The following DSE variants were observed in gnomAD, a reference collection of about 807,000 sequenced individuals.
DSE encodes dermatan sulfate epimerase.
DSE carries 36 observed loss-of-function variants against 84.4 expected under a neutral mutation model. The observed-to-expected ratio is 0.43, with a 90% CI of 0.33 to 0.56. The LOEUF (loss-of-function observed/expected upper bound fraction) is 0.56. Ranked by LOEUF, DSE falls within the 20% of genes least tolerant of loss-of-function variation. The pLI is 0.06. For missense variants in DSE, 862 were observed against 1,169.6 expected (o/e 0.74, Z 3.84); for synonymous variants, 410 against 430.1 (o/e 0.95, Z 0.58).
chr6:116,426,060 G>A (rs377147764), intron 2 of DSE, among the ~76,000 whole-genome samples: 1 of 152,328 alleles, frequency 6.6e-6, no homozygotes, highest in Non-Finnish European at 1.5e-5. Context: ...GACCAAGTGG[G>A]TCTGTGCAGA....
In DSE at chr6:116,379,335, CA is replaced by C. The variant is rs755487552; in HGVS notation, c.-54+8218del. 5.3e-4 allele frequency among the ~76,000 whole-genome samples: 81 copies of C among 152,100 alleles called. 2 individuals carry two copies. The highest frequency in any genetic ancestry group is 9.1e-4 in the Non-Finnish European group (62 of 67,998). The stretch of plus-strand genomic sequence containing the variant: ...ATAGACTATAGTTTTAAAGCAATTT[CA>C]AAATACTTTTCAAAATTACCTTTCT... On this transcript the variant is annotated intron_variant, in intron 1 of 5. Transcript: ENST00000644252.
At chr6:116,339,071 G>A (rs1278079845) in intron 2 of DSE, among the ~76,000 whole-genome samples, 2 of 150,774 alleles carry the variant, frequency 1.3e-5, no homozygotes, top group Admixed American at 1.3e-4. Context: ...AGATAAATGA[G>A]TTGGTCTTCT....
chr6:116,421,463 A>ATATATATATATATATTTTTT (rs1357496121), intron 2 of DSE, among the ~76,000 whole-genome samples: 5 of 61,344 alleles, frequency 8.2e-5, no homozygotes, highest in Non-Finnish European at 1.3e-4. Flanking sequence ...ATATATATAT[A>ATATATATATATATATTTTTT]TTTTTTTTTT....
intron 2 of DSE, among the ~76,000 whole-genome samples, chr6:116,289,750 G>A (rs1562206861): frequency 6.6e-6 from 1 of 151,978 alleles, no homozygotes; most frequent in Non-Finnish European, 1.5e-5. Flanking sequence ...TTCATATTAT[G>A]GTATCCAGCT....
At chr6:116,279,302 T>G in intron 2 of DSE, 1 of 1,609,292 alleles carries the variant, frequency 6.2e-7, no homozygotes, top group Non-Finnish European at 8.5e-7. Flanking sequence ...AGGCCTTCCT[T>G]CACCACCTCA....
intron 1 of DSE, among the ~76,000 whole-genome samples, chr6:116,382,297 G>A (rs1161380157): frequency 6.6e-6 from 1 of 152,096 alleles, no homozygotes. Flanking sequence ...CCATAACATG[G>A]CCATGATATG....
intron 2 of DSE, among the ~76,000 whole-genome samples, chr6:116,319,391 T>C (rs1776169855): frequency 6.6e-6 from 1 of 152,210 alleles, no homozygotes; most frequent in East Asian, 1.9e-4. Flanking sequence ...CAAGTGTATA[T>C]AGCCAAGCTA....
intron 5 of DSE, among the ~76,000 whole-genome samples, chr6:116,434,152 T>G (rs766142663): frequency 2.2e-4 from 33 of 151,354 alleles, no homozygotes; most frequent in Non-Finnish European, 4.0e-4. Context: ...GTATAAATTT[T>G]TTTGCCTTAA....
chr6:116,279,859 G>A lies in DSE; in HGVS notation c.-54+20892G>A, dbSNP rs1230924609. The A allele has an allele frequency of 5.0e-6, 8 of 1,612,914 alleles. No individual in the cohort carries two copies. In the East Asian group the frequency reaches 6.7e-5, roughly 13 times the overall value. On this transcript the variant is annotated intron_variant, in intron 2 of 3. Transcript: ENST00000430252. ...GCTAACAGTCGGACCAACCGCAGGC[G>A]AACGCCCGTTTTCCTCAGAGGCCGA... is the stretch of plus-strand genomic sequence containing the variant.
At chr6:116,317,150 G>A (rs949712742) in intron 2 of DSE, among the ~76,000 whole-genome samples, 1 of 152,222 alleles carries the variant, frequency 6.6e-6, no homozygotes, top group Non-Finnish European at 1.5e-5. Context: ...TAGCAAGGCT[G>A]TTGGGGAATC....
rs59237926 is a variant in DSE, at chr6:116,416,349, C to CTGTGTGTGTGTG, written c.417-10189_417-10178dup. Reference sequence around the variant, plus strand: ...ACAGGTTCTAAACAGCTAATTGCCACTGTGTGTGTGTGTGTGTGTGTGTGT... The same window carrying CTGTGTGTGTGTG: ...ACAGGTTCTAAACAGCTAATTGCCACTGTGTGTGTGTGTGTGTGTGTGTGTGTGTGTGTGTGT... On this transcript the variant is annotated intron_variant, in intron 2 of 5. Transcript: ENST00000644252. Among the ~76,000 whole-genome samples, 345 of 134,028 alleles carry CTGTGTGTGTGTG rather than the reference C, an allele frequency of 2.6e-3. 1 individual carries two copies. The highest frequency in any genetic ancestry group is 7.2e-3 in the Middle Eastern group (2 of 278). The allele number at this position is 134,028 out of a possible 152,430, so 87.9% of individuals were successfully genotyped here. A position where few individuals can be genotyped will look rare whatever the true frequency, so the allele number is the denominator to read the frequency against.
intron 2 of DSE, among the ~76,000 whole-genome samples, chr6:116,332,372 G>C (rs1777000524): frequency 7.2e-6 from 1 of 139,584 alleles, no homozygotes; most frequent in Non-Finnish European, 1.5e-5. Flanking sequence ...ATCCCAGTTG[G>C]TTTGTGTGTG....
chr6:116,263,736 A>G (rs1357939167), intron 2 of DSE, among the ~76,000 whole-genome samples: 1 of 152,196 alleles, frequency 6.6e-6, no homozygotes, highest in East Asian at 1.9e-4. Flanking sequence ...TGTAGTGGTC[A>G]GTAATGATCT....
At chr6:116,374,136 A>G (rs1337936995) in intron 1 of DSE, among the ~76,000 whole-genome samples, 2 of 152,116 alleles carry the variant, frequency 1.3e-5, no homozygotes, top group African/African-American at 4.8e-5. Context: ...GGCAAGCTCC[A>G]ACCTGTTGAG....
At chr6:116,324,112 A>G (rs1282752908) in intron 2 of DSE, among the ~76,000 whole-genome samples, 1 of 152,180 alleles carries the variant, frequency 6.6e-6, no homozygotes, top group Non-Finnish European at 1.5e-5. Context: ...CCCTCACCCC[A>G]GGCTCCAAAG....
rs1784250234 is a variant in DSE, at chr6:116,437,346, C to G, written c.*1C>G. 6.3e-7 allele frequency: 1 copy of G among 1,576,860 alleles called. No individual in the cohort carries two copies. Among genetic ancestry groups the G allele is most frequent in the Non-Finnish European group, 8.6e-7 (1 of 1,163,614 alleles). ...TTCTTGTTCCCAATCACAGTGTTAG[C>G]ACTGAAGCTATAAATTACCTGGTCA... On this transcript the variant is annotated 3_prime_UTR_variant, in exon 6 of 6. Coordinates refer to ENST00000644252, the MANE Select transcript of DSE (RefSeq NM_013352.4).
chr6:116,353,448 T>G (rs1778421861), intron 2 of DSE, among the ~76,000 whole-genome samples: 1 of 152,236 alleles, frequency 6.6e-6, no homozygotes, highest in Non-Finnish European at 1.5e-5. Flanking sequence ...AGTGCCTTCT[T>G]AATTTCCAGA....
In DSE at chr6:116,439,530, A is replaced by G. The variant is rs894901375; in HGVS notation, c.*2185A>G. 1 of 152,208 alleles carries G rather than the reference A, an allele frequency of 6.6e-6. No individual in the cohort carries two copies. The highest frequency in any genetic ancestry group is 2.1e-4 in the South Asian group (1 of 4,820). The allele number at this position is 152,208 out of a possible 1,614,324, so 9.4% of individuals were successfully genotyped here. On this transcript the variant is annotated 3_prime_UTR_variant, in exon 6 of 6. Transcript: ENST00000644252. ...GTTAAGTGAAAAAAAAAAATGCTGA[A>G]ACAAATCACCCCTCTTCATAATGAA...
chr6:116,318,156 G>A (rs1354439163), intron 2 of DSE, among the ~76,000 whole-genome samples: 2 of 152,158 alleles, frequency 1.3e-5, no homozygotes, highest in African/African-American at 2.4e-5. Flanking sequence ...ATTTCTTGTA[G>A]CATTATAATT....
Sources: allele counts gnomAD v4.1 joint callset (sites outside exome capture counted in the v4.1 genomes callset), GRCh38; gene constraint gnomAD v4.1.1; transcripts MANE v1.5; gene names NCBI Gene and HGNC (gene_info 2026-07-23, HGNC 2026-07-21).